Variants in FBXL17 observed in about 807,000 individuals in gnomAD.
FBXL17 encodes the protein F-box/LRR-repeat protein 17.
A neutral mutation model predicts 66.2 loss-of-function variants in FBXL17; 22 were observed. That is an observed-to-expected ratio of 0.33 (90% CI 0.24 to 0.47). FBXL17 has a LOEUF of 0.47. FBXL17 is among the 20% of genes least tolerant of loss of function. The pLI is 1.00. For missense variants in FBXL17, 878 were observed against 948.2 expected, an observed-to-expected ratio of 0.93 and a Z score of 0.97; for synonymous variants, 474 against 400.5, an observed-to-expected ratio of 1.18 and a Z score of -2.19.
chr5:108,031,838 T>C (rs1746655717), intron 6 of FBXL17, among the ~76,000 whole-genome samples: 1 of 152,178 alleles, frequency 6.6e-6, no homozygotes, highest in South Asian at 2.1e-4. Context: ...CAATGCTGAC[T>C]GCCAAAATTC....
intron 7 of FBXL17, among the ~76,000 whole-genome samples, chr5:107,980,980 A>G (rs1156405521): frequency 6.6e-6 from 1 of 152,034 alleles, no homozygotes; most frequent in Non-Finnish European, 1.5e-5. Flanking sequence ...TATTTACTAC[A>G]TCTCCTTAGT....
intron 6 of FBXL17, among the ~76,000 whole-genome samples, chr5:108,108,810 T>A (rs1187437565): frequency 1.4e-5 from 2 of 144,392 alleles, no homozygotes; most frequent in African/African-American, 5.2e-5. Context: ...TGAGACAGAG[T>A]TTCGCTCTTG....
At chr5:107,880,501 T>C (rs1375436058) in intron 8 of FBXL17, 1 of 997,946 alleles carries the variant, frequency 1.0e-6, no homozygotes, top group Non-Finnish European at 1.2e-6. Flanking sequence ...CTTCTTATCA[T>C]GTGCTGGGAG....
At chr5:108,136,368 A>C (rs1417680663) in intron 6 of FBXL17, among the ~76,000 whole-genome samples, 1 of 152,168 alleles carries the variant, frequency 6.6e-6, no homozygotes, top group Non-Finnish European at 1.5e-5. Context: ...GTATTCAAAT[A>C]AAAGATCCAA....
At chr5:108,248,082 T>C (rs570404919) in intron 4 of FBXL17, among the ~76,000 whole-genome samples, 1 of 152,298 alleles carries the variant, frequency 6.6e-6, no homozygotes, top group Non-Finnish European at 1.5e-5. Flanking sequence ...CATTGCTCTG[T>C]TGCTCCTCTG....
chr5:108,247,615 T>C (rs1173247657), intron 4 of FBXL17, among the ~76,000 whole-genome samples: 2 of 152,202 alleles, frequency 1.3e-5, no homozygotes, highest in Non-Finnish European at 2.9e-5. Flanking sequence ...ATATTTTAAA[T>C]ATAAATAAGT....
rs1353007939 is a variant in FBXL17 at position 107,881,119 on chromosome 5, T to C, written c.1883A>G (p.Lys628Arg). 5 of 1,613,888 alleles carry C rather than the reference T, an allele frequency of 3.1e-6. No individual in the cohort carries two copies. The highest frequency in any genetic ancestry group is 3.4e-6 in the Non-Finnish European group (4 of 1,179,930). ...GGTGGCTCCTTGGTCTGTGATTTCT[T>C]TACACCATCCGACATCCACAGTCTC... ...TIETVDVGWC[K>R]EITDQGATLI... Residue 628 changes from lysine (K) to arginine (R), a missense_variant, in exon 8 of 9, where the codon AAA (lysine) becomes AGA (arginine). Physicochemically the swap from Lys to Arg is conservative, Grantham distance 26. Transcript: ENST00000542267.
chr5:108,039,391 A>T (rs963084638), intron 6 of FBXL17, among the ~76,000 whole-genome samples: 1 of 152,102 alleles, frequency 6.6e-6, no homozygotes, highest in African/African-American at 2.4e-5. Context: ...TTTGCATTTG[A>T]TCAAAGACAA....
At chr5:108,301,520 T>C (rs187351475) in intron 4 of FBXL17, among the ~76,000 whole-genome samples, 14 of 151,984 alleles carry the variant, frequency 9.2e-5, no homozygotes, top group South Asian at 8.3e-4. Context: ...AATATTATGC[T>C]AACTGCCATA....
chr5:107,964,218 C>T (rs1409349026), intron 7 of FBXL17, among the ~76,000 whole-genome samples: 1 of 152,012 alleles, frequency 6.6e-6, no homozygotes, highest in East Asian at 1.9e-4. Context: ...TAATTTTGCC[C>T]AAAGAGATCA....
At chr5:107,909,537 C>A (rs929446741) in intron 7 of FBXL17, among the ~76,000 whole-genome samples, 1 of 152,104 alleles carries the variant, frequency 6.6e-6, no homozygotes, top group Admixed American at 6.5e-5. Flanking sequence ...GTTCTGGAGG[C>A]CTTTGAAACA....
chr5:108,119,591 A>T (rs1041961646), intron 6 of FBXL17, among the ~76,000 whole-genome samples: 1 of 152,218 alleles, frequency 6.6e-6, no homozygotes, highest in African/African-American at 2.4e-5. Flanking sequence ...TTAAGCACCA[A>T]TGAAATTGCA....
At chr5:107,906,794 G>A (rs1263238307) in intron 7 of FBXL17, among the ~76,000 whole-genome samples, 1 of 152,116 alleles carries the variant, frequency 6.6e-6, no homozygotes, top group Non-Finnish European at 1.5e-5. Context: ...ACTAAGGAGT[G>A]GAATACCGTT....
intron 8 of FBXL17, among the ~76,000 whole-genome samples, chr5:107,872,205 C>A (rs1748479376): frequency 1.3e-5 from 2 of 152,156 alleles, no homozygotes; most frequent in Non-Finnish European, 2.9e-5. Flanking sequence ...TAAATCAGGG[C>A]ATTGCAGGGC....
chr5:108,304,151 C>T (rs1239451928), intron 4 of FBXL17, among the ~76,000 whole-genome samples: 1 of 151,970 alleles, frequency 6.6e-6, no homozygotes, highest in Non-Finnish European at 1.5e-5. Context: ...GGGCATTAAA[C>T]ACTTTGATAG....
At chr5:108,061,743 T>G (rs1236217663) in intron 6 of FBXL17, among the ~76,000 whole-genome samples, 1 of 152,140 alleles carries the variant, frequency 6.6e-6, no homozygotes, top group Non-Finnish European at 1.5e-5. Context: ...GAGAAGTATA[T>G]AAACTGATAT....
chr5:108,252,747 C>G (rs1024924529), intron 4 of FBXL17, among the ~76,000 whole-genome samples: 1 of 152,148 alleles, frequency 6.6e-6, no homozygotes, highest in African/African-American at 2.4e-5. Context: ...CTATAGCCCA[C>G]AAGAGCTGTA....
At chr5:107,890,635 G>A (rs1749167937) in intron 7 of FBXL17, among the ~76,000 whole-genome samples, 1 of 150,850 alleles carries the variant, frequency 6.6e-6, no homozygotes, top group Admixed American at 6.6e-5. Flanking sequence ...CTACACTCCA[G>A]CCTGGGAGAA....
At chr5:108,316,932 T>C (rs1268600360) in intron 4 of FBXL17, among the ~76,000 whole-genome samples, 3 of 151,252 alleles carry the variant, frequency 2.0e-5, no homozygotes, top group African/African-American at 4.8e-5. Context: ...TAAAATATTA[T>C]CTACTATACC....
Sources: gnomAD v4.1 joint callset for allele counts (sites outside exome capture counted in the v4.1 genomes callset) on GRCh38, gnomAD v4.1.1 for gene constraint, MANE v1.5 for transcripts, NCBI Gene and HGNC (gene_info 2026-07-23, HGNC 2026-07-21) for gene names.